Variants in ADAM12 observed in about 807,000 individuals in gnomAD.
The protein encoded by ADAM12 is disintegrin and metalloproteinase domain-containing protein 12.
A neutral mutation model predicts 106.4 loss-of-function variants in ADAM12; 70 were observed. The ratio of observed to expected loss-of-function variants is 0.66; its 90% CI spans 0.54 to 0.80. The LOEUF (loss-of-function observed/expected upper bound fraction) is 0.80. ADAM12 is among the 30% of genes least tolerant of loss of function. ADAM12 has a pLI of 0.00. For missense variants in ADAM12, 1,010 were observed against 1,171.9 expected (o/e 0.86, Z 2.02); for synonymous variants, 420 against 433.5 (o/e 0.97, Z 0.39).
intron 3 of ADAM12, among the ~76,000 whole-genome samples, chr10:126,157,632 C>T (rs867009947): frequency 6.6e-5 from 10 of 152,232 alleles, no homozygotes; most frequent in East Asian, 1.9e-4. Context: ...AAAACACAGA[C>T]GGGCCCTCAC....
chr10:126,207,023 T>C (rs1471310778), intron 3 of ADAM12, among the ~76,000 whole-genome samples: 2 of 152,204 alleles, frequency 1.3e-5, no homozygotes, highest in Non-Finnish European at 2.9e-5. Context: ...GATGTGCCTT[T>C]CACCGTCCGC....
chr10:126,358,972 T>C (rs534900884), intron 1 of ADAM12, among the ~76,000 whole-genome samples: 5 of 152,258 alleles, frequency 3.3e-5, no homozygotes, highest in Admixed American at 3.3e-4. Context: ...TACTTACAGT[T>C]CCACATGGCT....
chr10:126,082,549 T>G (rs907645384), intron 11 of ADAM12, among the ~76,000 whole-genome samples: 1 of 151,872 alleles, frequency 6.6e-6, no homozygotes, highest in Non-Finnish European at 1.5e-5. Context: ...TTTTGTATTT[T>G]TATTAGAGAT....
chr10:126,261,639 C>T (rs961539493), intron 3 of ADAM12, among the ~76,000 whole-genome samples: 1 of 152,090 alleles, frequency 6.6e-6, no homozygotes, highest in African/African-American at 2.4e-5. Flanking sequence ...CTATCTGGAA[C>T]ACAGTTTGTT....
intron 11 of ADAM12, among the ~76,000 whole-genome samples, chr10:126,072,641 C>A (rs1955020330): frequency 6.6e-6 from 1 of 152,106 alleles, no homozygotes; most frequent in Non-Finnish European, 1.5e-5. Context: ...ATATGGTAAC[C>A]CACTGAGCAT....
At chr10:126,030,384 G>A (rs1018084369) in intron 21 of ADAM12, among the ~76,000 whole-genome samples, 3 of 152,128 alleles carry the variant, frequency 2.0e-5, no homozygotes, top group Admixed American at 6.5e-5. Context: ...CCCAAATTGC[G>A]TTTTATAAAA....
chr10:126,176,283 G>T (rs1957218695), intron 3 of ADAM12, among the ~76,000 whole-genome samples: 1 of 152,244 alleles, frequency 6.6e-6, no homozygotes, highest in Non-Finnish European at 1.5e-5. Flanking sequence ...TTGGCTCAAA[G>T]AGCTCACAGC....
chr10:126,160,793 C>A (rs1433437731), intron 3 of ADAM12, among the ~76,000 whole-genome samples: 1 of 152,236 alleles, frequency 6.6e-6, no homozygotes, highest in African/African-American at 2.4e-5. Flanking sequence ...ACCCTGCCAC[C>A]ACACTGTGCT....
At chr10:126,091,633 T>C (rs1188283822) in intron 11 of ADAM12, among the ~76,000 whole-genome samples, 1 of 152,162 alleles carries the variant, frequency 6.6e-6, no homozygotes, top group Non-Finnish European at 1.5e-5. Flanking sequence ...TTTTAAATGA[T>C]TTGTCGAGCT....
chr10:126,164,871 A>G (rs1197432696), intron 3 of ADAM12, among the ~76,000 whole-genome samples: 2 of 152,246 alleles, frequency 1.3e-5, no homozygotes, highest in Admixed American at 1.3e-4. Flanking sequence ...TAAAACCAGT[A>G]TACTGAGGTA....
At chr10:126,206,861 G>GGA (rs1178274353) in intron 3 of ADAM12, among the ~76,000 whole-genome samples, 2 of 130,894 alleles carry the variant, frequency 1.5e-5, no homozygotes, top group Non-Finnish European at 3.0e-5. Flanking sequence ...TTGTGGGGGC[G>GGA]GGGGGGAGCC....
intron 22 of ADAM12, among the ~76,000 whole-genome samples, chr10:126,018,784 G>A (rs1329599001): frequency 1.3e-5 from 2 of 152,136 alleles, no homozygotes; most frequent in Non-Finnish European, 2.9e-5. Flanking sequence ...AGCAGGATAA[G>A]CTGTGAAAGG....
chr10:126,224,644 C>T (rs969100951), intron 3 of ADAM12, among the ~76,000 whole-genome samples: 1 of 152,224 alleles, frequency 6.6e-6, no homozygotes, highest in African/African-American at 2.4e-5. Flanking sequence ...GTCTTTAGCC[C>T]GTGGCTTCAC....
intron 3 of ADAM12, among the ~76,000 whole-genome samples, chr10:126,259,468 A>C (rs1394236302): frequency 6.6e-6 from 1 of 152,210 alleles, no homozygotes; most frequent in Admixed American, 6.5e-5. Context: ...GAGCGATCAC[A>C]TGCTTTCTTA....
intron 3 of ADAM12, among the ~76,000 whole-genome samples, chr10:126,262,536 A>C (rs1433893513): frequency 2.6e-5 from 4 of 152,170 alleles, no homozygotes; most frequent in African/African-American, 4.8e-5. Flanking sequence ...TTTTGGACAA[A>C]AATATTTGCC....
chr10:126,353,353 A>G (rs2133890094), intron 1 of ADAM12, among the ~76,000 whole-genome samples: 1 of 152,196 alleles, frequency 6.6e-6, no homozygotes, highest in African/African-American at 2.4e-5. Context: ...TGTCATACTA[A>G]GATGGTGGAG....
chr10:126,230,862 T>C (rs1958296080), intron 3 of ADAM12, among the ~76,000 whole-genome samples: 1 of 152,222 alleles, frequency 6.6e-6, no homozygotes, highest in Admixed American at 6.5e-5. Context: ...AACTTACAGA[T>C]TAACTATTAA....
chr10:126,045,760 T>C (rs3816602), intron 17 of ADAM12, among the ~76,000 whole-genome samples: 2,160 of 152,348 alleles, frequency 0.014, 103 homozygotes, highest in East Asian at 0.13. Context: ...AAATGTTATT[T>C]TGAAACTCTT....
chr10:126,088,623 T>C (rs1004385791), intron 11 of ADAM12, among the ~76,000 whole-genome samples: 3 of 151,512 alleles, frequency 2.0e-5, no homozygotes, highest in African/African-American at 7.3e-5. Flanking sequence ...GGTGGGAGGA[T>C]TGCTTGAACC....
Sources: allele counts gnomAD v4.1 joint callset (sites outside exome capture counted in the v4.1 genomes callset), GRCh38; gene constraint gnomAD v4.1.1; transcripts MANE v1.5; gene names NCBI Gene and HGNC (gene_info 2026-07-23, HGNC 2026-07-21).